Variants in DCUN1D5 observed in about 807,000 individuals in gnomAD.
DCUN1D5 encodes the protein defective in cullin neddylation 1 domain containing 5.
In DCUN1D5, 10 loss-of-function variants were observed where a neutral mutation model predicts 38.3. The ratio of observed to expected loss-of-function variants is 0.26; its 90% CI spans 0.16 to 0.44. The LOEUF is 0.44. DCUN1D5 is among the 20% of genes least tolerant of loss of function. DCUN1D5 has a pLI of 1.00. For synonymous variants in DCUN1D5, 93 were observed against 90.9 expected (o/e 1.02, Z -0.13); for missense variants, 148 against 275.3 (o/e 0.54, Z 3.27).
rs1446343045 is a variant in DCUN1D5 at position 103,058,114 on chromosome 11, C to T, written c.*4245G>A. Among the ~76,000 whole-genome samples the T allele has an allele frequency of 2.6e-5, 4 of 152,030 alleles. No individual in the cohort carries two copies. Among genetic ancestry groups the T allele is most frequent in the Non-Finnish European group, 5.9e-5 (4 of 68,018 alleles). Reference sequence around the variant, plus strand: ...TTCAATACTTAGGTTAAAATCTAACCTTACTATATAGTGTTACTAGATGTA... The same window carrying T: ...TTCAATACTTAGGTTAAAATCTAACTTTACTATATAGTGTTACTAGATGTA... On this transcript the variant is annotated 3_prime_UTR_variant, in exon 8 of 8. Coordinates refer to ENST00000260247, the MANE Select transcript of DCUN1D5 (RefSeq NM_032299.4).
rs1251802572 is a variant in DCUN1D5 at position 103,053,642 on chromosome 11, AAT to A, written c.*8715_*8716del. 1.3e-5 allele frequency: 2 copies of A among 152,108 alleles called. No individual in the cohort carries two copies. The highest frequency in any genetic ancestry group is 4.8e-5 in the African/African-American group (2 of 41,550). The allele number at this position is 152,108 out of a possible 1,614,324, so 9.4% of individuals were successfully genotyped here. ...TGTATCAATGAATTTTAATTATATG[AAT>A]ATATCATACTATCACATGTACCCCC... On this transcript the variant is annotated 3_prime_UTR_variant, in exon 8 of 8. Transcript: ENST00000260247. This position sits in a 1 kb window ranked among gnomAD's most constrained non-coding sequence, Gnocchi z 4.8.
chr11:103,065,700 T>G lies in DCUN1D5; in HGVS notation c.555+569A>C, dbSNP rs34235589. Reference sequence around the variant, plus strand: ...GAATCACTGCCTATAGTAGTTGCTATGATAAACCTTCTAAAAGAACACGTC... The same window carrying G: ...GAATCACTGCCTATAGTAGTTGCTAGGATAAACCTTCTAAAAGAACACGTC... On this transcript the variant is annotated intron_variant, in intron 6 of 7. Transcript: ENST00000260247. The surrounding 1 kb of genome is among the most constrained non-coding windows in gnomAD (Gnocchi z 4.6). 6.6e-6 allele frequency among the ~76,000 whole-genome samples: 1 copy of G among 152,108 alleles called. No individual in the cohort carries two copies. Among genetic ancestry groups the G allele is most frequent in the Non-Finnish European group, 1.5e-5 (1 of 68,006 alleles).
Position 103,053,880 on chromosome 11 carries a change from GTAAC to G in DCUN1D5, c.*8475_*8478del, listed in dbSNP as rs1456145859. The G allele has an allele frequency of 6.6e-6, 1 of 152,106 alleles. No individual in the cohort carries two copies. The highest frequency in any genetic ancestry group is 1.9e-4 in the East Asian group (1 of 5,184). The allele number at this position is 152,106 out of a possible 1,614,324, so 9.4% of individuals were successfully genotyped here. A position where few individuals can be genotyped will look rare whatever the true frequency, so the allele number is the denominator to read the frequency against. On this transcript the variant is annotated 3_prime_UTR_variant, in exon 8 of 8. Transcript: ENST00000260247. This position sits in a 1 kb window ranked among gnomAD's most constrained non-coding sequence, Gnocchi z 4.8. Reference sequence around the variant, plus strand: ...TTGATGTTTTTCCAGATAGCAAAGAGTAACTAATATTTACTGCCTGTATTTCATT... The same window carrying G: ...TTGATGTTTTTCCAGATAGCAAAGAGTAATATTTACTGCCTGTATTTCATT...
chr11:103,067,294 T>G (rs1435415848), intron 4 of DCUN1D5, among the ~76,000 whole-genome samples: 1 of 152,180 alleles, frequency 6.6e-6, no homozygotes, highest in African/African-American at 2.4e-5. Flanking sequence ...AGCAAGGCAG[T>G]CAAGGCCTTT....
At chr11:103,076,294 T>C (rs990910164) in intron 4 of DCUN1D5, among the ~76,000 whole-genome samples, 13 of 152,208 alleles carry the variant, frequency 8.5e-5, no homozygotes, top group African/African-American at 2.7e-4. Context: ...TTTAATTATA[T>C]AATGTTTCAA....
At chr11:103,085,217 A>C (rs768889503) in intron 2 of DCUN1D5, among the ~76,000 whole-genome samples, 10 of 152,146 alleles carry the variant, frequency 6.6e-5, no homozygotes, top group Non-Finnish European at 1.0e-4. Context: ...AGGCAGATGG[A>C]TTACGAGGTC....
In DCUN1D5 at chr11:103,087,400, G is replaced by T. The variant is rs2134637258; in HGVS notation, c.178+1827C>A. On this transcript the variant is annotated intron_variant, in intron 2 of 7. Transcript: ENST00000260247. The surrounding 1 kb of genome is among the most constrained non-coding windows in gnomAD (Gnocchi z 4.1). ...TTAACCAGGATGGTCTCGATCTCCTGACCTCGTGATCTGCCTACCTTGGCC... is the reference window on the plus strand; with the variant it reads ...TTAACCAGGATGGTCTCGATCTCCTTACCTCGTGATCTGCCTACCTTGGCC... Among the ~76,000 whole-genome samples the T allele has an allele frequency of 6.6e-6, 1 of 152,224 alleles. No homozygotes were observed. The highest frequency in any genetic ancestry group is 6.5e-5 in the Admixed American group (1 of 15,288).
chr11:103,091,465 T>TCGAGGG lies in DCUN1D5; in HGVS notation c.86+316_86+321dup. The TCGAGGG allele has an allele frequency of 3.9e-6, 1 of 255,712 alleles. No individual in the cohort carries two copies. Among genetic ancestry groups the TCGAGGG allele is most frequent in the South Asian group, 2.9e-5 (1 of 34,922 alleles). 15.8% of individuals were successfully genotyped at this position (255,712 alleles called of 1,614,324 possible). A position where few individuals can be genotyped will look rare whatever the true frequency, so the allele number is the denominator to read the frequency against. On this transcript the variant is annotated intron_variant, in intron 1 of 7. Transcript: ENST00000260247. This position sits in a 1 kb window ranked among gnomAD's most constrained non-coding sequence, Gnocchi z 4.3. ...AGAGGAGCGATACGGGAGTAGGGGA[T>TCGAGGG]CGAGGGTCGGTTGTGGGGTGGGGGT...
chr11:103,059,836 G>GA lies in DCUN1D5; in HGVS notation c.*2522dup, dbSNP rs1861968149. Among the ~76,000 whole-genome samples the GA allele has an allele frequency of 6.6e-6, 1 of 152,046 alleles. No homozygotes were observed. Among genetic ancestry groups the GA allele is most frequent in the Admixed American group, 6.6e-5 (1 of 15,248 alleles). ...ATTACATTTGTATAATATTCTTATA[G>GA]AAACAACTCAACTCCATGTTATAAA... On this transcript the variant is annotated 3_prime_UTR_variant, in exon 8 of 8. Transcript: ENST00000260247.
rs908278077 is a variant in DCUN1D5, at chr11:103,064,969, G to A, written c.556-592C>T. 7.2e-5 allele frequency among the ~76,000 whole-genome samples: 11 copies of A among 152,078 alleles called. No homozygotes were observed. The highest frequency in any genetic ancestry group is 2.7e-4 in the African/African-American group (11 of 41,404). On this transcript the variant is annotated intron_variant, in intron 6 of 7. Coordinates refer to ENST00000260247, the MANE Select transcript of DCUN1D5 (RefSeq NM_032299.4). The surrounding 1 kb of genome is among the most constrained non-coding windows in gnomAD (Gnocchi z 4.5). ...AACAACCTGCACATAACAAGTGTCTGAAAATATTTAGTTCTTCTCAGCTCC... is the reference window on the plus strand; with the variant it reads ...AACAACCTGCACATAACAAGTGTCTAAAAATATTTAGTTCTTCTCAGCTCC...
At chr11:103,090,270 T>G (rs1480733424) in intron 1 of DCUN1D5, among the ~76,000 whole-genome samples, 2 of 152,190 alleles carry the variant, frequency 1.3e-5, no homozygotes, top group African/African-American at 2.4e-5. Flanking sequence ...AATAATAATT[T>G]GCCTGTATCT....
At chr11:103,070,064 A>T (rs1411706258) in intron 4 of DCUN1D5, among the ~76,000 whole-genome samples, 1 of 152,012 alleles carries the variant, frequency 6.6e-6, no homozygotes, top group East Asian at 1.9e-4. Context: ...CAAATGCTTC[A>T]ACAAGTAATT....
rs775063765 is a variant in DCUN1D5 at position 103,056,361 on chromosome 11, T to C, written c.*5998A>G. Among the ~76,000 whole-genome samples, 4 of 152,218 alleles carry C rather than the reference T, an allele frequency of 2.6e-5. No homozygotes were observed. The highest frequency in any genetic ancestry group is 4.4e-5 in the Non-Finnish European group (3 of 68,034). On this transcript the variant is annotated 3_prime_UTR_variant, in exon 8 of 8. Transcript: ENST00000260247. The surrounding 1 kb of genome is among the most constrained non-coding windows in gnomAD (Gnocchi z 4.9). Reference sequence around the variant, plus strand: ...CACACTGATCTCTTTACTGTTTCTTTACACTCTGTACCAGCTCAGGGCCTT... The same window carrying C: ...CACACTGATCTCTTTACTGTTTCTTCACACTCTGTACCAGCTCAGGGCCTT...
At chr11:103,090,559 A>C (rs1862832334) in intron 1 of DCUN1D5, among the ~76,000 whole-genome samples, 1 of 152,190 alleles carries the variant, frequency 6.6e-6, no homozygotes, top group African/African-American at 2.4e-5. Flanking sequence ...TAGCATCTGA[A>C]GTTGTCATAT....
rs1338049860 is a variant in DCUN1D5, at chr11:103,051,531, C to A, written c.*10828G>T. ...CCCCCCCCCGCCACCCCTGTGTTAA[C>A]AGGTTTACTGGCAGATGCAGGAGGT... On this transcript the variant is annotated 3_prime_UTR_variant, in exon 8 of 8. Transcript: ENST00000260247. 7.2e-6 allele frequency: 1 copy of A among 138,218 alleles called. No homozygotes were observed. Among genetic ancestry groups the A allele is most frequent in the East Asian group, 2.5e-4 (1 of 4,072 alleles). The allele number at this position is 138,218 out of a possible 1,614,324, so 8.6% of individuals were successfully genotyped here.
In DCUN1D5 at chr11:103,077,991, TCTC is replaced by T. The variant is rs1487992552; in HGVS notation, c.341+4754_341+4756del. On this transcript the variant is annotated intron_variant, in intron 4 of 7. Transcript: ENST00000260247. The surrounding 1 kb of genome is among the most constrained non-coding windows in gnomAD (Gnocchi z 4.3). ...TCACACACGATGGCATTTCATTTAC[TCTC>T]CTCTTCCACCCCCACCAAAAAAAAA... Among the ~76,000 whole-genome samples, 2 of 151,834 alleles carry T rather than the reference TCTC, an allele frequency of 1.3e-5. No homozygotes were observed. The highest frequency in any genetic ancestry group is 2.9e-5 in the Non-Finnish European group (2 of 67,982).
chr11:103,052,390 G>C lies in DCUN1D5; in HGVS notation c.*9969C>G, dbSNP rs1012102172. ...GTAACTTGCAGTCTAGGATCAAAGA[G>C]AGACGTGAATTTTTTCATTCATTAA... On this transcript the variant is annotated 3_prime_UTR_variant, in exon 8 of 8. Transcript: ENST00000260247. The C allele has an allele frequency of 6.6e-6, 1 of 152,294 alleles. No individual in the cohort carries two copies. Among genetic ancestry groups the C allele is most frequent in the East Asian group, 1.9e-4 (1 of 5,182 alleles). The allele number at this position is 152,294 out of a possible 1,614,324, so 9.4% of individuals were successfully genotyped here.
In DCUN1D5 at chr11:103,066,179, T is replaced by C. The variant is rs1862130534; in HGVS notation, c.555+90A>G. The C allele has an allele frequency of 1.0e-5, 8 of 766,486 alleles. No individual in the cohort carries two copies. The highest frequency in any genetic ancestry group is 3.5e-5 in the Admixed American group (1 of 28,684). The allele number at this position is 766,486 out of a possible 1,614,324, so 47.5% of individuals were successfully genotyped here. On this transcript the variant is annotated intron_variant, in intron 6 of 7. Coordinates refer to ENST00000260247, the MANE Select transcript of DCUN1D5 (RefSeq NM_032299.4). This position sits in a 1 kb window ranked among gnomAD's most constrained non-coding sequence, Gnocchi z 4.7. ...TTTTCTCTAAAGTTTTTTTAAAGCATACTATTAAAAATCTACTTGTTCCTC... is the reference window on the plus strand; with the variant it reads ...TTTTCTCTAAAGTTTTTTTAAAGCACACTATTAAAAATCTACTTGTTCCTC...
At position 103,077,535 on chromosome 11, in the gene DCUN1D5, T is replaced by G. The variant is rs1862441781; in HGVS notation, c.341+5213A>C. On this transcript the variant is annotated intron_variant, in intron 4 of 7. Coordinates refer to ENST00000260247, the MANE Select transcript of DCUN1D5 (RefSeq NM_032299.4). The surrounding 1 kb of genome is among the most constrained non-coding windows in gnomAD (Gnocchi z 4.3). Reference sequence around the variant, plus strand: ...ACACCATTCTCCAAGGCCACTGTAGTTAGAAAGAGAAGAAATGGGTATTAA... The same window carrying G: ...ACACCATTCTCCAAGGCCACTGTAGGTAGAAAGAGAAGAAATGGGTATTAA... Among the ~76,000 whole-genome samples, 1 of 152,160 alleles carries G rather than the reference T, an allele frequency of 6.6e-6. No individual in the cohort carries two copies. Among genetic ancestry groups the G allele is most frequent in the African/African-American group, 2.4e-5 (1 of 41,426 alleles).
Sources: gnomAD v4.1 joint callset for allele counts (sites outside exome capture counted in the v4.1 genomes callset) on GRCh38, gnomAD v4.1.1 for gene constraint, Gnocchi (gnomAD v3.1) non-coding constraint, MANE v1.5 for transcripts, NCBI Gene and HGNC (gene_info 2026-07-23, HGNC 2026-07-21) for gene names.